CSMD2: variants seen among roughly 807,000 people sequenced by gnomAD.
CSMD2 encodes CUB and sushi domain-containing protein 2.
In CSMD2, 130 loss-of-function variants were observed where a neutral mutation model predicts 398.5. That is an observed-to-expected ratio of 0.33 (90% CI 0.28 to 0.38). The LOEUF (loss-of-function observed/expected upper bound fraction) is 0.38. Among genes scored for constraint, CSMD2 ranks in the 10% least tolerant of loss-of-function variants. CSMD2 has a pLI of 1.00. For missense variants in CSMD2, 3,829 were observed against 4,764.9 expected (o/e 0.80, Z 5.78); for synonymous variants, 1,828 against 1,908.5 (o/e 0.96, Z 1.10).
At chr1:33,843,215 G>A (rs1661030167) in intron 6 of CSMD2, among the ~76,000 whole-genome samples, 2 of 152,174 alleles carry the variant, frequency 1.3e-5, no homozygotes, top group African/African-American at 4.8e-5. Flanking sequence ...ACCCCAAAAT[G>A]CTTGTTAAAC....
At chr1:33,717,492 T>A (rs796395110) in intron 19 of CSMD2, among the ~76,000 whole-genome samples, 61 of 151,968 alleles carry the variant, frequency 4.0e-4, no homozygotes, top group African/African-American at 1.4e-3. Context: ...CACGTCCACC[T>A]GAAGGATGGT....
At chr1:33,848,383 G>A (rs1021936516) in intron 5 of CSMD2, among the ~76,000 whole-genome samples, 6 of 152,192 alleles carry the variant, frequency 3.9e-5, no homozygotes, top group Non-Finnish European at 7.3e-5. Flanking sequence ...GAATGAATAC[G>A]CAGAACTCAC....
chr1:33,785,858 A>G (rs534020150), intron 12 of CSMD2, among the ~76,000 whole-genome samples: 1 of 152,316 alleles, frequency 6.6e-6, no homozygotes, highest in South Asian at 2.1e-4. Context: ...CCTCTTTCCC[A>G]CATGAAAGCC....
intron 25 of CSMD2, among the ~76,000 whole-genome samples, chr1:33,672,720 G>A (rs1042925929): frequency 6.7e-6 from 1 of 150,298 alleles, no homozygotes; most frequent in Non-Finnish European, 1.5e-5. Flanking sequence ...CCCAGTAGGG[G>A]CGGACTGACA....
chr1:33,700,774 G>T lies in CSMD2; in HGVS notation c.3577-101C>A, dbSNP rs146701709. On this transcript the variant is annotated intron_variant, in intron 22 of 70. Transcript: ENST00000373381. ...CCCACACTCCTGGAGTTTAGCACTG[G>T]TAACAACTATCAGAGGCACAGTGAG... 10 of 1,143,378 alleles carry T rather than the reference G, an allele frequency of 8.7e-6. No individual in the cohort carries two copies. In the East Asian group the frequency reaches 2.4e-4, roughly 27 times the overall value. The allele number at this position is 1,143,378 out of a possible 1,614,324, so 70.8% of individuals were successfully genotyped here.
intron 38 of CSMD2, 68 bp from the exon 39 acceptor site, chr1:33,617,043 C>T: frequency 2.4e-6 from 3 of 1,257,100 alleles, no homozygotes; most frequent in African/African-American, 1.5e-5. Context: ...CAACCAGGGG[C>T]TGTACAGGGG....
chr1:33,981,185 T>A (rs150159299), intron 3 of CSMD2, among the ~76,000 whole-genome samples: 1 of 152,302 alleles, frequency 6.6e-6, no homozygotes, highest in Non-Finnish European at 1.5e-5. Context: ...GCTCTGGTTG[T>A]TTTGCAGTCC....
At chr1:33,844,286 GT>G (rs768417766) in intron 6 of CSMD2, among the ~76,000 whole-genome samples, 6 of 111,400 alleles carry the variant, frequency 5.4e-5, no homozygotes, top group East Asian at 3.4e-4. Flanking sequence ...CTGTGTGTGT[GT>G]GGGGGGGCGC....
At chr1:34,144,775 C>T (rs558533099) in intron 1 of CSMD2, among the ~76,000 whole-genome samples, 1 of 152,204 alleles carries the variant, frequency 6.6e-6, no homozygotes, top group African/African-American at 2.4e-5. Context: ...TGGACAAGAA[C>T]GGCATTCCCT....
At chr1:34,058,741 G>T (rs1054248928) in intron 2 of CSMD2, among the ~76,000 whole-genome samples, 1 of 152,278 alleles carries the variant, frequency 6.6e-6, no homozygotes, top group African/African-American at 2.4e-5. Context: ...AGCACTGTTC[G>T]CCCTACTTTA....
intron 64 of CSMD2, among the ~76,000 whole-genome samples, chr1:33,529,583 A>G (rs1655069635): frequency 6.6e-6 from 1 of 152,250 alleles, no homozygotes; most frequent in South Asian, 2.1e-4. Context: ...GGATAGCCAC[A>G]TAAAAAAGAA....
chr1:33,532,242 T>C (rs867392574), intron 64 of CSMD2, among the ~76,000 whole-genome samples: 2 of 152,228 alleles, frequency 1.3e-5, no homozygotes, highest in Non-Finnish European at 2.9e-5. Flanking sequence ...AACTTCTCTA[T>C]GCCCTAGTTT....
chr1:33,713,741 A>G (rs1210224629), intron 21 of CSMD2, among the ~76,000 whole-genome samples: 1 of 152,044 alleles, frequency 6.6e-6, no homozygotes, highest in Non-Finnish European at 1.5e-5. Flanking sequence ...TCAAATGCTG[A>G]GCATGCTCAT....
At chr1:34,076,015 C>G (rs530911001) in intron 2 of CSMD2, among the ~76,000 whole-genome samples, 1 of 152,220 alleles carries the variant, frequency 6.6e-6, no homozygotes, top group East Asian at 1.9e-4. Context: ...AGCAGCCAGA[C>G]GCTGCCTTCT....
chr1:33,899,188 C>T (rs1341533140), intron 5 of CSMD2, among the ~76,000 whole-genome samples: 2 of 152,230 alleles, frequency 1.3e-5, no homozygotes, highest in Non-Finnish European at 2.9e-5. Flanking sequence ...CTCACCAGGG[C>T]TGGCATCTAG....
chr1:33,941,248 A>G (rs949327649), intron 3 of CSMD2, among the ~76,000 whole-genome samples: 6 of 152,238 alleles, frequency 3.9e-5, no homozygotes, highest in Admixed American at 2.0e-4. Flanking sequence ...TTGCATGACA[A>G]TGAATCTCCT....
At chr1:33,978,532 G>A (rs1045452530) in intron 3 of CSMD2, among the ~76,000 whole-genome samples, 3 of 152,146 alleles carry the variant, frequency 2.0e-5, no homozygotes, top group African/African-American at 7.2e-5. Context: ...TGCAGGGTCA[G>A]GGTCAGGAAG....
At chr1:33,638,063 T>C (rs183923126) in intron 29 of CSMD2, among the ~76,000 whole-genome samples, 1 of 152,144 alleles carries the variant, frequency 6.6e-6, no homozygotes, top group South Asian at 2.1e-4. Context: ...CCTTAAGTCG[T>C]TGCCCGCAGC....
chr1:33,606,603 G>C (rs571911225), intron 41 of CSMD2, among the ~76,000 whole-genome samples: 1 of 152,220 alleles, frequency 6.6e-6, no homozygotes, highest in Non-Finnish European at 1.5e-5. Context: ...GTTTGGCAAC[G>C]AAAGTCTCAG....
Sources: gnomAD v4.1 joint callset for allele counts (sites outside exome capture counted in the v4.1 genomes callset) on GRCh38, gnomAD v4.1.1 for gene constraint, MANE v1.5 for transcripts, NCBI Gene and HGNC (gene_info 2026-07-23, HGNC 2026-07-21) for gene names.